Variants in NRROS observed in about 807,000 individuals in gnomAD.
NRROS encodes the protein negative regulator of reactive oxygen species.
A neutral mutation model predicts 12.0 loss-of-function variants in NRROS; 6 were observed. That is an observed-to-expected ratio of 0.50 (90% CI 0.27 to 0.98). The LOEUF (loss-of-function observed/expected upper bound fraction) is 0.98. Among genes scored for constraint, NRROS ranks in the 50% least tolerant of loss-of-function variants. NRROS has a pLI of 0.11. For missense variants in NRROS, 857 were observed against 888.2 expected, an observed-to-expected ratio of 0.96 and a Z score of 0.45; for synonymous variants, 462 against 410.2, an observed-to-expected ratio of 1.13 and a Z score of -1.53.
Position 196,661,655 on chromosome 3 carries a change from T to G in NRROS, c.2012T>G (p.Val671Gly), listed in dbSNP as rs768300728. Residue 671 changes from valine to glycine, a missense_variant, in exon 3 of 3, where the codon GTC becomes GGC. Coordinates refer to ENST00000328557, the MANE Select transcript of NRROS (RefSeq NM_198565.3). ...LTLLVACTVI[V>G]LTFKKPLLQV... ...CTGCTGGTGGCCTGCACTGTCATCG[T>G]CCTCACTTTTAAGAAGCCTCTGCTT... is the stretch of plus-strand genomic sequence containing the variant. 1 of 1,608,152 alleles carries G rather than the reference T, an allele frequency of 6.2e-7. No individual in the cohort carries two copies. Among genetic ancestry groups the G allele is most frequent in the Non-Finnish European group, 8.5e-7 (1 of 1,179,870 alleles).
chr3:196,661,725 T>A lies in NRROS; in HGVS notation c.*3T>A. 1 of 1,580,342 alleles carries A rather than the reference T, an allele frequency of 6.3e-7. No individual in the cohort carries two copies. The stretch of plus-strand genomic sequence containing the variant: ...GCCACTGGTCCTCCGTTTACTGACC[T>A]GGCTGTGTGCCAAGACTCGAAATTC... On this transcript the variant is annotated 3_prime_UTR_variant, in exon 3 of 3. Coordinates refer to ENST00000328557, the MANE Select transcript of NRROS (RefSeq NM_198565.3).
Position 196,661,323 on chromosome 3 carries a change from G to A in NRROS, c.1680G>A (p.Leu560=), listed in dbSNP as rs941804235. 8.8e-6 allele frequency: 14 copies of A among 1,599,034 alleles called. No homozygotes were observed. Among genetic ancestry groups the A allele is most frequent in the Non-Finnish European group, 1.2e-5 (14 of 1,172,476 alleles). Reference sequence around the variant, plus strand: ...CAAGGTTTGGGGGCAGCCTGGCCCTGGAGACCCTGGATCTCCGTAGAAACT... The same window carrying A: ...CAAGGTTTGGGGGCAGCCTGGCCCTAGAGACCCTGGATCTCCGTAGAAACT... The part of the protein sequence containing the change: ...TFPRFGGSLA[L]ETLDLRRNSL... Residue 560 remains leucine, a synonymous_variant, in exon 3 of 3, where the codon CTG becomes CTA. Transcript: ENST00000328557.
Position 196,661,853 on chromosome 3 carries a change from TTCC to T in NRROS, c.*134_*136del, listed in dbSNP as rs946348139. On this transcript the variant is annotated 3_prime_UTR_variant, in exon 3 of 3. Coordinates refer to ENST00000328557, the MANE Select transcript of NRROS (RefSeq NM_198565.3). ...TCAATTAAAATTTAATATGTTTCCATTCCTCATCGCCCACCCCACCCCCGCCCC... is the reference window on the plus strand; with the variant it reads ...TCAATTAAAATTTAATATGTTTCCATTCATCGCCCACCCCACCCCCGCCCC... The T allele has an allele frequency of 1.7e-5, 13 of 751,798 alleles. No homozygotes were observed. Among genetic ancestry groups the T allele is most frequent in the Non-Finnish European group, 2.4e-5 (12 of 499,776 alleles). 46.6% of individuals were successfully genotyped at this position (751,798 alleles called of 1,614,324 possible). A position where few individuals can be genotyped will look rare whatever the true frequency, so the allele number is the denominator to read the frequency against.
chr3:196,650,180 C>G (rs112669193), intron 1 of NRROS, among the ~76,000 whole-genome samples: 8,564 of 152,310 alleles, frequency 0.056, 325 homozygotes, highest in Admixed American at 0.083. Context: ...CAGAGTCTCG[C>G]TCTGCTGCCC....
At chr3:196,658,550 C>T (rs748769168) in intron 2 of NRROS, among the ~76,000 whole-genome samples, 146 of 152,208 alleles carry the variant, frequency 9.6e-4, no homozygotes, top group Non-Finnish European at 1.7e-3. Flanking sequence ...GGATTTTCCT[C>T]TTCTGTTGCC....
rs55883920 is a variant in NRROS at position 196,658,786 on chromosome 3, G to C, written c.109-966G>C. ...GTTCGAGACCAGCCTGGTCAACATG[G>C]TGAAACCCCGTCTCTACTAAAAATA... On this transcript the variant is annotated intron_variant, in intron 2 of 2. Coordinates refer to ENST00000328557, the MANE Select transcript of NRROS (RefSeq NM_198565.3). Among the ~76,000 whole-genome samples, 737 of 152,268 alleles carry C rather than the reference G, an allele frequency of 4.8e-3. 7 individuals carry two copies. Among genetic ancestry groups the C allele is most frequent in the African/African-American group, 0.017 (697 of 41,560 alleles).
intron 1 of NRROS, among the ~76,000 whole-genome samples, chr3:196,645,428 C>T (rs1449059431): frequency 6.6e-6 from 1 of 152,140 alleles, no homozygotes; most frequent in Non-Finnish European, 1.5e-5. Context: ...CAGCCTAAAC[C>T]TATGTGAGCC....
At chr3:196,650,835 A>G (rs1737410355) in intron 1 of NRROS, among the ~76,000 whole-genome samples, 1 of 152,236 alleles carries the variant, frequency 6.6e-6, no homozygotes, top group African/African-American at 2.4e-5. Context: ...TTCCATGATA[A>G]CTAGTTAGAA....
At chr3:196,640,556 G>A (rs1429861962) in intron 1 of NRROS, among the ~76,000 whole-genome samples, 1 of 151,802 alleles carries the variant, frequency 6.6e-6, no homozygotes, top group African/African-American at 2.4e-5. Context: ...TAGATCCATG[G>A]CTTATCAGAG....
At chr3:196,643,711 T>G (rs1453698231) in intron 1 of NRROS, among the ~76,000 whole-genome samples, 1 of 152,166 alleles carries the variant, frequency 6.6e-6, no homozygotes, top group Non-Finnish European at 1.5e-5. Context: ...GTCACTCCAT[T>G]TCAGATGTCA....
intron 1 of NRROS, among the ~76,000 whole-genome samples, 160 bp downstream of exon 1, chr3:196,640,035 T>C (rs1737178084): frequency 6.6e-6 from 1 of 152,112 alleles, no homozygotes; most frequent in Admixed American, 6.5e-5. Flanking sequence ...GCGCCGCCGC[T>C]TTTGTGCTGG....
rs143125388 is a variant in NRROS at position 196,650,208 on chromosome 3, C to T, written c.-13-4319C>T. On this transcript the variant is annotated intron_variant, in intron 1 of 2. Transcript: ENST00000328557. ...TGCTGCCCAGGTTGGAGTGCAATAG[C>T]GAGATCTCTGCTCACTGCAGCCTCC... Among the ~76,000 whole-genome samples, 4 of 152,266 alleles carry T rather than the reference C, an allele frequency of 2.6e-5. No individual in the cohort carries two copies. In the East Asian group the frequency reaches 7.7e-4, roughly 29 times the overall value.
chr3:196,654,902 C>T lies in NRROS; in HGVS notation c.108+255C>T, dbSNP rs1476524260. The T allele has an allele frequency of 2.4e-6, 1 of 419,712 alleles. No homozygotes were observed. The highest frequency in any genetic ancestry group is 4.2e-6 in the Non-Finnish European group (1 of 235,634). The allele number at this position is 419,712 out of a possible 1,614,324, so 26.0% of individuals were successfully genotyped here. The stretch of plus-strand genomic sequence containing the variant: ...GAGGATAGGAGGCATCCGAGACCAG[C>T]CTAGGGCATCCTCCCGGAACAAGAA... On this transcript the variant is annotated intron_variant, in intron 2 of 2. Transcript: ENST00000328557. This position sits in a 1 kb window ranked among gnomAD's most constrained non-coding sequence, Gnocchi z 4.4.
At position 196,659,835 on chromosome 3, in the gene NRROS, G is replaced by T. The variant is rs147340258; in HGVS notation, c.192G>T (p.Leu64=). 8.1e-6 allele frequency: 13 copies of T among 1,614,036 alleles called. No homozygotes were observed. The African/African-American group carries it at 1.2e-4, about 15-fold the overall frequency. The stretch of plus-strand genomic sequence containing the variant: ...CGCCCCACGCCCGGATGCTCACCCT[G>T]GATGCCAACCCTCTCAAGACCCTGT... ...SLPPHARMLT[L]DANPLKTLWN... is the part of the protein sequence containing the mutation. Residue 64 remains leucine, a synonymous_variant, in exon 3 of 3, where the codon CTG becomes CTT. Coordinates refer to ENST00000328557, the MANE Select transcript of NRROS (RefSeq NM_198565.3).
At position 196,661,552 on chromosome 3, in the gene NRROS, G is replaced by A; in HGVS notation, c.1909G>A (p.Val637Met). Residue 637 changes from valine to methionine, a missense_variant, in exon 3 of 3, where the codon GTG becomes ATG. Val to Met is a conservative substitution (Grantham distance 21). Transcript: ENST00000328557. ...IIRVTELPGG[V>M]PRDCKWERLD... ...CCGCGTGACGGAGCTGCCCGGAGGT[G>A]TGCCTCGGGACTGCAAGTGGGAGCG... 3.7e-6 allele frequency: 6 copies of A among 1,614,060 alleles called. No individual in the cohort carries two copies. Among genetic ancestry groups the A allele is most frequent in the Non-Finnish European group, 4.2e-6 (5 of 1,180,016 alleles).
chr3:196,659,787 C>T lies in NRROS; in HGVS notation c.144C>T (p.Leu48=), dbSNP rs146517885. ...CCGCTGACTGCCGAGGGCAGAGCCT[C>T]GCTTCGGTGCCCAGCAGCCTCCCGC... ...GGAADCRGQS[L]ASVPSSLPPH... is the part of the protein sequence containing the mutation. The change falls in exon 3 of 3, where the codon CTC becomes CTT. Residue 48 remains leucine (L), a synonymous_variant. Coordinates refer to ENST00000328557, the MANE Select transcript of NRROS (RefSeq NM_198565.3). The T allele has an allele frequency of 3.7e-6, 6 of 1,612,798 alleles. No homozygotes were observed. In the African/African-American group the frequency reaches 5.3e-5, roughly 14 times the overall value.
rs970711857 is a variant in NRROS at position 196,658,778 on chromosome 3, T to C, written c.109-974T>C. Among the ~76,000 whole-genome samples, 27 of 152,130 alleles carry C rather than the reference T, an allele frequency of 1.8e-4. 1 individual carries two copies. The highest frequency in any genetic ancestry group is 1.5e-3 in the Admixed American group (23 of 15,276). The stretch of plus-strand genomic sequence containing the variant: ...AGTCAGGAGTTCGAGACCAGCCTGG[T>C]CAACATGGTGAAACCCCGTCTCTAC... On this transcript the variant is annotated intron_variant, in intron 2 of 2. Transcript: ENST00000328557.
At chr3:196,653,877 C>G (rs35311981) in intron 1 of NRROS, among the ~76,000 whole-genome samples, 15,138 of 152,228 alleles carry the variant, frequency 0.099, 818 homozygotes, top group Non-Finnish European at 0.11. Flanking sequence ...GGCTGGCAAC[C>G]ACGTTTCGTT....
chr3:196,655,681 G>C (rs769688558), intron 2 of NRROS, among the ~76,000 whole-genome samples: 1 of 152,186 alleles, frequency 6.6e-6, no homozygotes, highest in African/African-American at 2.4e-5. Context: ...CACAGCTGCG[G>C]GGAGGACTTG....
Sources: allele counts gnomAD v4.1 joint callset (sites outside exome capture counted in the v4.1 genomes callset), GRCh38; gene constraint gnomAD v4.1.1; non-coding constraint Gnocchi (gnomAD v3.1); transcripts MANE v1.5; gene names NCBI Gene and HGNC (gene_info 2026-07-23, HGNC 2026-07-21).